The following MICALL1 variants were observed in gnomAD, a reference collection of about 807,000 sequenced individuals.
MICALL1 encodes the protein MICAL like 1.
A neutral mutation model predicts 83.7 loss-of-function variants in MICALL1; 61 were observed. The observed-to-expected ratio is 0.73, with a 90% CI of 0.59 to 0.90. The LOEUF is 0.90. Among genes scored for constraint, MICALL1 ranks in the 40% least tolerant of loss-of-function variants. MICALL1 has a pLI of 0.00. For synonymous variants in MICALL1, 481 were observed against 473.6 expected, an observed-to-expected ratio of 1.02 and a Z score of -0.20; for missense variants, 1,066 against 1,152.0, an observed-to-expected ratio of 0.93 and a Z score of 1.08.
At chr22:37,936,932 T>C in intron 13 of MICALL1, 148 bp from the exon 14 acceptor site, 1 of 586,588 alleles carries the variant, frequency 1.7e-6, no homozygotes, top group South Asian at 2.5e-5. Flanking sequence ...AAGCCCCACC[T>C]ATCGGGGCCC....
rs1320428536 is a variant in MICALL1 at position 37,941,137 on chromosome 22, G to T, written c.*307G>T. ...TCCCAGGGTCCAGGGAGGGGCGCCT[G>T]CTGAGCACTTCCGCCCCTCACCCTG... On this transcript the variant is annotated 3_prime_UTR_variant, in exon 16 of 16. Coordinates refer to ENST00000215957, the MANE Select transcript of MICALL1 (RefSeq NM_033386.4). 3.8e-6 allele frequency: 1 copy of T among 260,876 alleles called. No individual in the cohort carries two copies. The highest frequency in any genetic ancestry group is 7.8e-6 in the Non-Finnish European group (1 of 128,710). The allele number at this position is 260,876 out of a possible 1,614,324, so 16.2% of individuals were successfully genotyped here.
chr22:37,930,385 G>T lies in MICALL1; in HGVS notation c.1882-1414G>T, dbSNP rs1929723761. Among the ~76,000 whole-genome samples, 1 of 152,124 alleles carries T rather than the reference G, an allele frequency of 6.6e-6. No homozygotes were observed. Among genetic ancestry groups the T allele is most frequent in the South Asian group, 2.1e-4 (1 of 4,826 alleles). On this transcript the variant is annotated intron_variant, in intron 9 of 15. Coordinates refer to ENST00000215957, the MANE Select transcript of MICALL1 (RefSeq NM_033386.4). This position sits in a 1 kb window ranked among gnomAD's most constrained non-coding sequence, Gnocchi z 4.8. Reference sequence around the variant, plus strand: ...GCTGCCCTGTGGGAGCCAAGCCCTGGCTTCTTGCTGTGCCCAGACCTGGGC... The same window carrying T: ...GCTGCCCTGTGGGAGCCAAGCCCTGTCTTCTTGCTGTGCCCAGACCTGGGC...
rs1234061655 is a variant in MICALL1 at position 37,942,447 on chromosome 22, T to C, written c.*1617T>C. 6.6e-6 allele frequency: 1 copy of C among 151,900 alleles called. No homozygotes were observed. Among genetic ancestry groups the C allele is most frequent in the Non-Finnish European group, 1.5e-5 (1 of 68,000 alleles). 9.4% of individuals were successfully genotyped at this position (151,900 alleles called of 1,614,324 possible). A position where few individuals can be genotyped will look rare whatever the true frequency, so the allele number is the denominator to read the frequency against. On this transcript the variant is annotated 3_prime_UTR_variant, in exon 16 of 16. Transcript: ENST00000215957. The stretch of plus-strand genomic sequence containing the variant: ...TGCCAGATCCTTTGTCATAAGAAGC[T>C]AGAAATCCAGATTTTATGTGTGTGT...
rs1240191500 is a variant in MICALL1, at chr22:37,912,425, C to T, written c.270C>T (p.Val90=). 6.2e-7 allele frequency: 1 copy of T among 1,614,004 alleles called. No individual in the cohort carries two copies. The highest frequency in any genetic ancestry group is 8.5e-7 in the Non-Finnish European group (1 of 1,179,916). Residue 90 remains valine, a synonymous_variant, in exon 3 of 16, where the codon GTC becomes GTT. Coordinates refer to ENST00000215957, the MANE Select transcript of MICALL1 (RefSeq NM_033386.4). The part of the protein sequence containing the change: ...LDPNDMVSMS[V]PDCLSIMTYV... ...CCAATGACATGGTCTCCATGAGCGT[C>T]CCTGACTGCCTCAGCATCATGACCT...
intron 15 of MICALL1, among the ~76,000 whole-genome samples, chr22:37,939,773 CAAAAAAAAAA>C (rs147934175): frequency 2.2e-5 from 1 of 44,466 alleles, no homozygotes; most frequent in East Asian, 7.0e-4. Flanking sequence ...GTCTCCGTCT[CAAAAAAAAAA>C]AAAAAAAAAA....
intron 3 of MICALL1, 61 bp downstream of exon 3, chr22:37,912,553 G>C: frequency 6.8e-7 from 1 of 1,473,134 alleles, no homozygotes; most frequent in South Asian, 1.4e-5. Context: ...GGGGATGTCT[G>C]ATGCTTGCTA....
At chr22:37,909,648 G>A (rs1205173753) in intron 1 of MICALL1, among the ~76,000 whole-genome samples, 4 of 151,976 alleles carry the variant, frequency 2.6e-5, no homozygotes, top group South Asian at 2.1e-4. Flanking sequence ...GTGAGCCACC[G>A]CGCCTGGCCA....
In MICALL1 at chr22:37,940,793, G is replaced by T; in HGVS notation, c.2555G>T (p.Arg852Leu). ...ATGTTGAAACTGCTAGGAAACAAAC[G>T]TGATGCCAAGAGCAAGTCCCCCAGA... Reference protein sequence around the residue: ...MKMLKLLGNKRDAKSKSPRDK... With the variant: ...MKMLKLLGNKLDAKSKSPRDK... The change falls in exon 16 of 16, where the codon CGT (arginine) becomes CTT (leucine). Residue 852 changes from arginine to leucine, a missense_variant. Transcript: ENST00000215957. 2 of 1,614,136 alleles carry T rather than the reference G, an allele frequency of 1.2e-6. No individual in the cohort carries two copies. The highest frequency in any genetic ancestry group is 1.7e-6 in the Non-Finnish European group (2 of 1,179,984).
At chr22:37,907,389 A>T (rs1928031975) in intron 1 of MICALL1, 1 of 152,278 alleles carries the variant, frequency 6.6e-6, no homozygotes, top group African/African-American at 2.4e-5. Context: ...GACTCCCCGG[A>T]ACAGTTGACT....
At chr22:37,915,630 A>G (rs1690560763) in intron 3 of MICALL1, among the ~76,000 whole-genome samples, 1 of 148,582 alleles carries the variant, frequency 6.7e-6, no homozygotes, top group Non-Finnish European at 1.5e-5. Flanking sequence ...TTTGGCACCT[A>G]TTTAGATTAG....
chr22:37,906,754 C>G lies in MICALL1; in HGVS notation c.146+186C>G. The G allele has an allele frequency of 6.7e-6, 2 of 298,348 alleles. No homozygotes were observed. Among genetic ancestry groups the G allele is most frequent in the Non-Finnish European group, 5.5e-6 (1 of 183,364 alleles). The allele number at this position is 298,348 out of a possible 1,614,324, so 18.5% of individuals were successfully genotyped here. ...GACCCCGGCCCAGGGCGCCCCTCCC[C>G]CGCCCGGCCGCCCTGACCCCGCCCG... On this transcript the variant is annotated intron_variant, in intron 1 of 15. Transcript: ENST00000215957. This position sits in a 1 kb window ranked among gnomAD's most constrained non-coding sequence, Gnocchi z 4.4.
chr22:37,922,083 G>C lies in MICALL1; in HGVS notation c.681G>C (p.Ser227=). Residue 227 remains serine (S), a synonymous_variant, in exon 6 of 16, where the codon TCG becomes TCC. Transcript: ENST00000215957. ...CCAGGCTGGGCCCGGGGACACGGTC[G>C]GGGACCAGGCCTGGGCCCTTCTCAC... is the stretch of plus-strand genomic sequence containing the variant. ...HCARLGPGTR[S]GTRPGPFSQP... is the part of the protein sequence containing the mutation. 6.2e-7 allele frequency: 1 copy of C among 1,613,392 alleles called. No homozygotes were observed. Among genetic ancestry groups the C allele is most frequent in the South Asian group, 1.1e-5 (1 of 91,076 alleles).
intron 8 of MICALL1, chr22:37,926,678 C>T (rs188273249): frequency 6.5e-6 from 1 of 152,894 alleles, no homozygotes; most frequent in African/African-American, 2.4e-5. Flanking sequence ...TAACCTTCAC[C>T]ATGGCTGGGT....
At chr22:37,939,859 C>T (rs546382659) in intron 15 of MICALL1, among the ~76,000 whole-genome samples, 10 of 150,522 alleles carry the variant, frequency 6.6e-5, no homozygotes, top group Non-Finnish European at 1.0e-4. Context: ...GAGGCTGAGG[C>T]GGGCTCATCG....
At chr22:37,914,415 C>G (rs1048932441) in intron 3 of MICALL1, among the ~76,000 whole-genome samples, 153 of 147,500 alleles carry the variant, frequency 1.0e-3, no homozygotes, top group African/African-American at 3.7e-3. Context: ...TTAGTAGAGA[C>G]GGGGTTTCAC....
intron 3 of MICALL1, 141 bp from the exon 4 acceptor site, chr22:37,917,566 G>T: frequency 1.4e-6 from 1 of 700,158 alleles, no homozygotes; most frequent in Non-Finnish European, 2.4e-6. Context: ...CGTGTGAAGC[G>T]GGAGCCAGCT....
chr22:37,912,115 C>A, intron 2 of MICALL1, 115 bp downstream of exon 2: 1 of 1,263,224 alleles, frequency 7.9e-7, no homozygotes, highest in Non-Finnish European at 1.1e-6. Context: ...GTACACCGGC[C>A]CTGGCTGCAC....
At position 37,912,984 on chromosome 22, in the gene MICALL1, C is replaced by T. The variant is rs373912223; in HGVS notation, c.337+492C>T. Among the ~76,000 whole-genome samples the T allele has an allele frequency of 1.8e-3, 234 of 133,004 alleles. 2 individuals are homozygous for T. The highest frequency in any genetic ancestry group is 5.6e-3 in the African/African-American group (197 of 34,982). The allele number at this position is 133,004 out of a possible 152,430, so 87.3% of individuals were successfully genotyped here. ...TCCCACTTTTTTTTTTTTTTTGAGACGGAGTTTCACTCTTGTTGCACAGGC... is the reference window on the plus strand; with the variant it reads ...TCCCACTTTTTTTTTTTTTTTGAGATGGAGTTTCACTCTTGTTGCACAGGC... On this transcript the variant is annotated intron_variant, in intron 3 of 15. Coordinates refer to ENST00000215957, the MANE Select transcript of MICALL1 (RefSeq NM_033386.4).
intron 6 of MICALL1, among the ~76,000 whole-genome samples, chr22:37,923,367 C>T (rs1929218457): frequency 6.6e-6 from 1 of 151,764 alleles, no homozygotes; most frequent in African/African-American, 2.4e-5. Context: ...GCTGGGACTA[C>T]AGGTGCACAC....
Sources: gnomAD v4.1 joint callset for allele counts (sites outside exome capture counted in the v4.1 genomes callset) on GRCh38, gnomAD v4.1.1 for gene constraint, Gnocchi (gnomAD v3.1) non-coding constraint, MANE v1.5 for transcripts, NCBI Gene and HGNC (gene_info 2026-07-23, HGNC 2026-07-21) for gene names.